Variants in ZBTB20 observed in about 807,000 individuals in gnomAD.
The protein encoded by ZBTB20 is zinc finger and BTB domain containing 20, also known as zinc finger and BTB domain-containing protein 20.
Under a neutral mutation model 56.9 loss-of-function variants are expected in ZBTB20, and 9 were observed. That is an observed-to-expected ratio of 0.16 (90% confidence interval 0.10 to 0.28). The LOEUF (loss-of-function observed/expected upper bound fraction) is 0.28, where lower values mean the gene tolerates loss of function less well. Ranked by LOEUF, ZBTB20 falls within the 10% of genes least tolerant of loss-of-function variation. The pLI, the probability that ZBTB20 is intolerant of heterozygous loss-of-function variation, is 1.00. For missense variants in ZBTB20, 655 were observed against 1,003.0 expected, an observed-to-expected ratio of 0.65 and a Z score of 4.69; for synonymous variants, 417 against 420.7, an observed-to-expected ratio of 0.99 and a Z score of 0.11.
At chr3:114,970,480 GCTT>G (rs968110190) in intron 3 of ZBTB20, among the ~76,000 whole-genome samples, 25 of 152,258 alleles carry the variant, frequency 1.6e-4, no homozygotes, top group African/African-American at 6.0e-4. Context: ...CAATGTTCGT[GCTT>G]CTTCTTAATA....
chr3:115,103,894 A>G (rs2083650273), intron 1 of ZBTB20, among the ~76,000 whole-genome samples: 1 of 152,226 alleles, frequency 6.6e-6, no homozygotes, highest in South Asian at 2.1e-4. Flanking sequence ...AAGACACTGT[A>G]AAGGTAATGA....
chr3:115,037,049 A>C (rs563328015), intron 2 of ZBTB20, among the ~76,000 whole-genome samples: 1 of 152,256 alleles, frequency 6.6e-6, no homozygotes, highest in East Asian at 1.9e-4. Context: ...CAACAGAGAA[A>C]TCTGATTAAA....
intron 3 of ZBTB20, among the ~76,000 whole-genome samples, chr3:114,956,625 G>A (rs770518531): frequency 1.0e-3 from 157 of 152,224 alleles, no homozygotes; most frequent in Middle Eastern, 6.8e-3. Context: ...CAGCAAGTAC[G>A]CATTTACAAA....
At chr3:114,626,148 A>G (rs2058648879) in intron 6 of ZBTB20, among the ~76,000 whole-genome samples, 1 of 152,222 alleles carries the variant, frequency 6.6e-6, no homozygotes, top group South Asian at 2.1e-4. Flanking sequence ...ATGAGGACCC[A>G]CCACATATTC....
rs1395542267 is a variant in ZBTB20 at position 114,318,689 on chromosome 3, G to A, written c.*20316C>T. On this transcript the variant is annotated 3_prime_UTR_variant, in exon 12 of 12. Transcript: ENST00000675478. Reference sequence around the variant, plus strand: ...GCCCGGCTGTGTCATACAAAAAAGGGCAACGCACAGCAGGATTTCAGAAAC... The same window carrying A: ...GCCCGGCTGTGTCATACAAAAAAGGACAACGCACAGCAGGATTTCAGAAAC... 1 of 152,178 alleles carries A rather than the reference G, an allele frequency of 6.6e-6. No individual in the cohort carries two copies. Among genetic ancestry groups the A allele is most frequent in the Admixed American group, 6.5e-5 (1 of 15,278 alleles). 9.4% of individuals were successfully genotyped at this position (152,178 alleles called of 1,614,324 possible). A position where few individuals can be genotyped will look rare whatever the true frequency, so the allele number is the denominator to read the frequency against.
intron 6 of ZBTB20, among the ~76,000 whole-genome samples, chr3:114,630,334 T>C (rs556062272): frequency 4.5e-4 from 68 of 152,200 alleles, no homozygotes; most frequent in Admixed American, 2.0e-3. Flanking sequence ...CCATAACTCA[T>C]TGGATGGCAG....
At chr3:114,724,274 C>G (rs1400130136) in intron 5 of ZBTB20, among the ~76,000 whole-genome samples, 4 of 152,098 alleles carry the variant, frequency 2.6e-5, no homozygotes, top group Non-Finnish European at 1.5e-5. Context: ...TCTCTGATAA[C>G]ATTGAAGGTG....
At chr3:114,553,620 C>T (rs1400450301) in intron 6 of ZBTB20, among the ~76,000 whole-genome samples, 2 of 152,092 alleles carry the variant, frequency 1.3e-5, no homozygotes, top group Non-Finnish European at 2.9e-5. Flanking sequence ...TGGTACATTC[C>T]TTCTATTGTA....
chr3:114,748,387 T>TCTCTCTCTC (rs1455557074), intron 5 of ZBTB20, among the ~76,000 whole-genome samples: 1 of 148,088 alleles, frequency 6.8e-6, no homozygotes, highest in Non-Finnish European at 1.5e-5. Context: ...TCTTTCTTTC[T>TCTCTCTCTC]TTTGGCTTTG....
intron 6 of ZBTB20, among the ~76,000 whole-genome samples, chr3:114,545,712 T>A (rs1198281315): frequency 6.6e-6 from 1 of 152,182 alleles, no homozygotes; most frequent in Non-Finnish European, 1.5e-5. Flanking sequence ...TGAGTACATA[T>A]TACAAGCTTC....
intron 3 of ZBTB20, among the ~76,000 whole-genome samples, chr3:114,910,048 A>T (rs1328976467): frequency 6.6e-6 from 1 of 151,950 alleles, no homozygotes; most frequent in Admixed American, 6.6e-5. Flanking sequence ...TTTTTATTAT[A>T]AAAAAGAAGA....
chr3:115,061,486 A>C (rs540339370), intron 2 of ZBTB20, among the ~76,000 whole-genome samples: 1 of 152,310 alleles, frequency 6.6e-6, no homozygotes, highest in South Asian at 2.1e-4. Flanking sequence ...ATAGTCTCCT[A>C]TTAACCAATT....
Position 114,915,385 on chromosome 3 carries a change from T to C in ZBTB20, c.-455-15043A>G, listed in dbSNP as rs180828987. 1.3e-3 allele frequency among the ~76,000 whole-genome samples: 197 copies of C among 152,118 alleles called. 1 individual carries two copies. Among genetic ancestry groups the C allele is most frequent in the African/African-American group, 4.6e-3 (192 of 41,576 alleles). On this transcript the variant is annotated intron_variant, in intron 3 of 11. Coordinates refer to ENST00000675478, the MANE Select transcript of ZBTB20 (RefSeq NM_001348800.3). ...AATAGTTGCTTATAGTAGCTTCTAA[T>C]GGTCTTTTGAATTTCTGTAGTATCA... is the stretch of plus-strand genomic sequence containing the variant.
chr3:114,920,089 T>C (rs1166226787), intron 3 of ZBTB20, among the ~76,000 whole-genome samples: 1 of 152,122 alleles, frequency 6.6e-6, no homozygotes, highest in Admixed American at 6.5e-5. Flanking sequence ...AAATTGCACA[T>C]ATACATGCAC....
intron 7 of ZBTB20, among the ~76,000 whole-genome samples, chr3:114,467,365 G>A (rs1206484211): frequency 6.6e-6 from 1 of 152,136 alleles, no homozygotes. Context: ...TACATTTTGT[G>A]GGCAGATAAA....
intron 8 of ZBTB20, among the ~76,000 whole-genome samples, chr3:114,384,656 C>T (rs184563419): frequency 3.7e-4 from 57 of 152,236 alleles, no homozygotes; most frequent in African/African-American, 1.4e-3. Context: ...AGGAGACTGG[C>T]GGCCGAGTTA....
chr3:114,956,936 A>G (rs2077268015), intron 3 of ZBTB20, among the ~76,000 whole-genome samples: 1 of 152,204 alleles, frequency 6.6e-6, no homozygotes, highest in African/African-American at 2.4e-5. Flanking sequence ...CCAGCAACAT[A>G]GAGGCAGCTT....
intron 6 of ZBTB20, among the ~76,000 whole-genome samples, chr3:114,568,640 A>G (rs182757935): frequency 4.0e-4 from 61 of 152,290 alleles, no homozygotes; most frequent in Admixed American, 3.3e-3. Flanking sequence ...ATATTTACCT[A>G]CCAAATGCTT....
intron 6 of ZBTB20, among the ~76,000 whole-genome samples, chr3:114,630,639 G>A (rs965520637): frequency 2.6e-5 from 4 of 152,220 alleles, no homozygotes; most frequent in Admixed American, 2.6e-4. Flanking sequence ...GAGAAACCGT[G>A]CACATTGCAG....
Sources: gnomAD v4.1 joint callset for allele counts (sites outside exome capture counted in the v4.1 genomes callset) on GRCh38, gnomAD v4.1.1 for gene constraint, MANE v1.5 for transcripts, NCBI Gene and HGNC (gene_info 2026-07-23, HGNC 2026-07-21) for gene names.